Variants in ARHGAP26 observed in about 807,000 individuals in gnomAD.
ARHGAP26 encodes Rho GTPase activating protein 26.
A neutral mutation model predicts 104.8 loss-of-function variants in ARHGAP26; 38 were observed. That is an observed-to-expected ratio of 0.36 (90% CI 0.28 to 0.48). ARHGAP26 has a LOEUF of 0.48. ARHGAP26 is among the 20% of genes least tolerant of loss of function. ARHGAP26 has a pLI of 0.99. For synonymous variants in ARHGAP26, 341 were observed against 340.0 expected, an observed-to-expected ratio of 1.00 and a Z score of -0.03; for missense variants, 704 against 947.9, an observed-to-expected ratio of 0.74 and a Z score of 3.38.
intron 1 of ARHGAP26, among the ~76,000 whole-genome samples, chr5:142,858,821 G>T (rs145043022): frequency 8.5e-5 from 13 of 152,294 alleles, no homozygotes; most frequent in African/African-American, 3.1e-4. Context: ...TAGGGAATGC[G>T]AGGAGACTGC....
intron 18 of ARHGAP26, among the ~76,000 whole-genome samples, chr5:143,124,121 C>T (rs1461694834): frequency 2.6e-5 from 4 of 152,190 alleles, no homozygotes; most frequent in South Asian, 2.1e-4. Context: ...GAAACAAGCC[C>T]TACTACAGGG....
intron 6 of ARHGAP26, 49 bp from the exon 7 acceptor site, chr5:142,901,886 C>T (rs1161057256): frequency 2.0e-6 from 3 of 1,498,234 alleles, no homozygotes; most frequent in Admixed American, 1.7e-5. Context: ...TACATAATAC[C>T]TCTTTTCAAC....
At position 143,026,872 on chromosome 5, in the gene ARHGAP26, A is replaced by G. The variant is rs116720714; in HGVS notation, c.1145-10324A>G. On this transcript the variant is annotated intron_variant, in intron 12 of 22. Coordinates refer to ENST00000645722, the MANE Select transcript of ARHGAP26 (RefSeq NM_001135608.3). ...CTGCAGGCAGTCCAGGCAAAGGATG[A>G]TGGCAGCTTGGATCAAGGTATTAGC... is the stretch of plus-strand genomic sequence containing the variant. Among the ~76,000 whole-genome samples the G allele has an allele frequency of 9.3e-3, 1,422 of 152,248 alleles. 17 individuals are homozygous for G. Among genetic ancestry groups the G allele is most frequent in the African/African-American group, 0.033 (1,353 of 41,530 alleles).
intron 1 of ARHGAP26, among the ~76,000 whole-genome samples, chr5:142,858,200 A>T (rs1050560259): frequency 1.3e-5 from 2 of 151,912 alleles, no homozygotes; most frequent in African/African-American, 4.8e-5. Flanking sequence ...TATTTACCTG[A>T]TGTTAATTGG....
chr5:143,159,536 C>T (rs1446708442), intron 20 of ARHGAP26, among the ~76,000 whole-genome samples: 1 of 152,190 alleles, frequency 6.6e-6, no homozygotes, highest in Non-Finnish European at 1.5e-5. Context: ...CTGTGACTCT[C>T]AGTCCAGATG....
At chr5:143,022,042 A>G (rs971073385) in intron 12 of ARHGAP26, among the ~76,000 whole-genome samples, 2 of 151,902 alleles carry the variant, frequency 1.3e-5, no homozygotes, top group Non-Finnish European at 2.9e-5. Flanking sequence ...ATTGTGGGGG[A>G]ACATAAGTTC....
chr5:143,099,921 T>G (rs1792971322), intron 17 of ARHGAP26, among the ~76,000 whole-genome samples: 1 of 152,216 alleles, frequency 6.6e-6, no homozygotes, highest in South Asian at 2.1e-4. Flanking sequence ...GGTACAGAAA[T>G]TTTTAAATAT....
intron 1 of ARHGAP26, among the ~76,000 whole-genome samples, chr5:142,789,967 A>G (rs1759468403): frequency 6.6e-6 from 1 of 152,322 alleles, no homozygotes; most frequent in Middle Eastern, 3.4e-3. Flanking sequence ...AGAACTGGGG[A>G]CTGGTAGAAT....
chr5:143,194,363 C>T (rs936377192), intron 20 of ARHGAP26, among the ~76,000 whole-genome samples: 1 of 152,128 alleles, frequency 6.6e-6, no homozygotes, highest in Non-Finnish European at 1.5e-5. Flanking sequence ...TTATAATAGT[C>T]TAGGTGAGAA....
At chr5:142,826,974 AG>A (rs920869283) in intron 1 of ARHGAP26, among the ~76,000 whole-genome samples, 2 of 152,018 alleles carry the variant, frequency 1.3e-5, no homozygotes, top group African/African-American at 4.8e-5. Context: ...CTGTACTTTC[AG>A]GTTTTCATTT....
intron 5 of ARHGAP26, among the ~76,000 whole-genome samples, chr5:142,889,498 A>G (rs985216112): frequency 6.6e-6 from 1 of 152,156 alleles, no homozygotes; most frequent in Admixed American, 6.5e-5. Flanking sequence ...CGCGCCTGTA[A>G]TCCCAGCTAC....
In ARHGAP26 at chr5:142,855,511, T is replaced by C. The variant is rs181871470; in HGVS notation, c.155-17889T>C. Among the ~76,000 whole-genome samples, 674 of 152,362 alleles carry C rather than the reference T, an allele frequency of 4.4e-3. 3 individuals are homozygous for C. Among genetic ancestry groups the C allele is most frequent in the Non-Finnish European group, 8.0e-3 (542 of 68,024 alleles). On this transcript the variant is annotated intron_variant, in intron 1 of 22. Transcript: ENST00000645722. ...CCACCCTTCCATCTGCCCATCATTATTGACTGCCTGTTATGCACTAGGCCT... is the reference window on the plus strand; with the variant it reads ...CCACCCTTCCATCTGCCCATCATTACTGACTGCCTGTTATGCACTAGGCCT...
chr5:142,978,087 C>T (rs1188085827), intron 11 of ARHGAP26, among the ~76,000 whole-genome samples: 3 of 152,190 alleles, frequency 2.0e-5, no homozygotes, highest in African/African-American at 7.2e-5. Context: ...TCTTGTAGGC[C>T]TTCCCACAAT....
At chr5:142,946,387 T>C (rs2152568636) in intron 11 of ARHGAP26, among the ~76,000 whole-genome samples, 1 of 152,360 alleles carries the variant, frequency 6.6e-6, no homozygotes, top group Admixed American at 6.5e-5. Context: ...ATTGACCCTC[T>C]TTCAGATATT....
chr5:142,812,434 T>C (rs1238010562), intron 1 of ARHGAP26, among the ~76,000 whole-genome samples: 1 of 151,624 alleles, frequency 6.6e-6, no homozygotes, highest in Non-Finnish European at 1.5e-5. Flanking sequence ...CCTCCTTGGG[T>C]TCAAGCAATT....
At chr5:142,891,955 A>G (rs943617700) in intron 5 of ARHGAP26, among the ~76,000 whole-genome samples, 3 of 151,964 alleles carry the variant, frequency 2.0e-5, no homozygotes, top group East Asian at 1.9e-4. Flanking sequence ...CCAGCATAGC[A>G]TCTTGCAACT....
chr5:143,222,308 C>T, intron 22 of ARHGAP26, 50 bp from the exon 23 acceptor site: 1 of 1,377,088 alleles, frequency 7.3e-7, no homozygotes, highest in Non-Finnish European at 1.0e-6. Flanking sequence ...CTGCCGCCTG[C>T]TCTATCTGTA....
intron 13 of ARHGAP26, 64 bp from the exon 14 acceptor site, chr5:143,041,752 C>A: frequency 2.9e-6 from 3 of 1,049,662 alleles, no homozygotes; most frequent in Non-Finnish European, 4.1e-6. Flanking sequence ...GTGCATTTGG[C>A]TGGATTGGCC....
intron 17 of ARHGAP26, among the ~76,000 whole-genome samples, chr5:143,065,001 C>G (rs1212407252): frequency 6.6e-6 from 1 of 152,160 alleles, no homozygotes; most frequent in South Asian, 2.1e-4. Context: ...TTTATTTTCT[C>G]AATAAATTTC....
Sources: allele counts gnomAD v4.1 joint callset (sites outside exome capture counted in the v4.1 genomes callset), GRCh38; gene constraint gnomAD v4.1.1; transcripts MANE v1.5; gene names NCBI Gene and HGNC (gene_info 2026-07-23, HGNC 2026-07-21).